GRK2: variants seen among roughly 807,000 people sequenced by gnomAD.
GRK2 encodes G protein-coupled receptor kinase 2.
A neutral mutation model predicts 97.8 loss-of-function variants in GRK2; 23 were observed. That is an observed-to-expected ratio of 0.24 (90% CI 0.17 to 0.33). GRK2 has a LOEUF of 0.33. Ranked by LOEUF, GRK2 falls within the 10% of genes least tolerant of loss-of-function variation. The probability of loss-of-function intolerance (pLI) is 1.00; values close to 1 mark genes in which losing one functional copy is unlikely to be tolerated. For synonymous variants in GRK2, 425 were observed against 381.7 expected, an observed-to-expected ratio of 1.11 and a Z score of -1.32; for missense variants, 633 against 956.9, an observed-to-expected ratio of 0.66 and a Z score of 4.47.
At chr11:67,271,454 G>A (rs1859905433) in intron 1 of GRK2, among the ~76,000 whole-genome samples, 1 of 152,240 alleles carries the variant, frequency 6.6e-6, no homozygotes, top group South Asian at 2.1e-4. Context: ...TTCGTGTTTG[G>A]GATGGGGGAT....
At chr11:67,283,528 A>G in intron 15 of GRK2, 179 bp from the exon 16 acceptor site, 1 of 663,314 alleles carries the variant, frequency 1.5e-6, no homozygotes. Flanking sequence ...AAAATTTACC[A>G]GTGTTAAAAC....
chr11:67,268,948 C>T (rs1187071171), intron 1 of GRK2, among the ~76,000 whole-genome samples: 3 of 152,184 alleles, frequency 2.0e-5, no homozygotes, highest in Non-Finnish European at 4.4e-5. Flanking sequence ...AGCAGGAGGC[C>T]GAGCCAGGCA....
intron 1 of GRK2, among the ~76,000 whole-genome samples, chr11:67,268,012 A>G (rs1276404471): frequency 6.6e-6 from 1 of 152,224 alleles, no homozygotes; most frequent in Non-Finnish European, 1.5e-5. Flanking sequence ...CTCCTTGTGC[A>G]TGCCTGAGAG....
chr11:67,268,635 G>T (rs1237182130), intron 1 of GRK2, among the ~76,000 whole-genome samples: 1 of 152,192 alleles, frequency 6.6e-6, no homozygotes, highest in Non-Finnish European at 1.5e-5. Flanking sequence ...CCCCCAGAAT[G>T]CATTGCTTCT....
Position 67,279,625 on chromosome 11 carries a change from G to C in GRK2, c.367-1G>C. ...TTCATGGCCACCTCTGTCTTCCCCA[G>C]CCCTTCTCGAAGAGTGCCACTGAGC... On this transcript the variant is annotated splice_acceptor_variant, in intron 4 of 20. Transcript: ENST00000308595. LOFTEE classifies it high-confidence loss of function. The C allele has an allele frequency of 6.2e-7, 1 of 1,613,426 alleles. No individual in the cohort carries two copies. The highest frequency in any genetic ancestry group is 8.5e-7 in the Non-Finnish European group (1 of 1,179,978).
intron 1 of GRK2, among the ~76,000 whole-genome samples, chr11:67,271,180 C>A (rs998828667): frequency 6.6e-6 from 1 of 152,198 alleles, no homozygotes; most frequent in Non-Finnish European, 1.5e-5. Flanking sequence ...TTCCTGGGCC[C>A]CTTCCCTACT....
rs750661568 is a variant in GRK2 at position 67,281,082 on chromosome 11, C to T, written c.556-11C>T. The T allele has an allele frequency of 1.2e-6, 2 of 1,608,386 alleles. No homozygotes were observed. Among genetic ancestry groups the T allele is most frequent in the Admixed American group, 3.4e-5 (2 of 59,538 alleles). ...CAGCCTGTGGTGACCGCAGCTGTCG[C>T]TGCCCCTCAGCTGACCATGAATGAC... On this transcript the variant is annotated splice_polypyrimidine_tract_variant and intron_variant, in intron 7 of 20. Coordinates refer to ENST00000308595, the MANE Select transcript of GRK2 (RefSeq NM_001619.5). The surrounding 1 kb of genome is among the most constrained non-coding windows in gnomAD (Gnocchi z 5.7).
intron 6 of GRK2, chr11:67,280,481 G>A (rs761871165): frequency 8.6e-6 from 5 of 578,500 alleles, no homozygotes; most frequent in African/African-American, 3.8e-5. Flanking sequence ...CTTTCTGTGC[G>A]GATCTGATTC....
At chr11:67,270,778 C>T (rs546496736) in intron 1 of GRK2, among the ~76,000 whole-genome samples, 2 of 152,306 alleles carry the variant, frequency 1.3e-5, no homozygotes, top group South Asian at 4.1e-4. Flanking sequence ...CCAGAGCATG[C>T]GTTTCACTTA....
Position 67,286,354 on chromosome 11 carries a change from G to A in GRK2, c.*904G>A, listed in dbSNP as rs1324216161. ...CAGCCCCACAGCCCACGTCCTGTCA[G>A]TGCCGCCGCCTCGCCCACCGCATGC... On this transcript the variant is annotated 3_prime_UTR_variant, in exon 21 of 21. Transcript: ENST00000308595. The A allele has an allele frequency of 1.4e-6, 1 of 696,732 alleles. No individual in the cohort carries two copies. Among genetic ancestry groups the A allele is most frequent in the Admixed American group, 2.0e-5 (1 of 48,854 alleles). 43.2% of individuals were successfully genotyped at this position (696,732 alleles called of 1,614,324 possible). A position where few individuals can be genotyped will look rare whatever the true frequency, so the allele number is the denominator to read the frequency against.
At chr11:67,277,853 C>T (rs967700090) in intron 2 of GRK2, among the ~76,000 whole-genome samples, 21 of 152,230 alleles carry the variant, frequency 1.4e-4, no homozygotes, top group Non-Finnish European at 2.5e-4. Context: ...GGACCTGGCC[C>T]GGAGGGCAGG....
Position 67,286,202 on chromosome 11 carries a change from T to G in GRK2, c.*752T>G. The G allele has an allele frequency of 1.8e-6, 1 of 553,080 alleles. No individual in the cohort carries two copies. Among genetic ancestry groups the G allele is most frequent in the East Asian group, 3.3e-5 (1 of 30,378 alleles). The allele number at this position is 553,080 out of a possible 1,614,324, so 34.3% of individuals were successfully genotyped here. On this transcript the variant is annotated 3_prime_UTR_variant, in exon 21 of 21. Coordinates refer to ENST00000308595, the MANE Select transcript of GRK2 (RefSeq NM_001619.5). ...GCCTGAGGTCTCGCTGATGCTGGGC[T>G]GGGTGCGACCCCATCTGCCCAGGAC...
At chr11:67,274,097 C>G (rs1457631091) in intron 1 of GRK2, among the ~76,000 whole-genome samples, 1 of 150,780 alleles carries the variant, frequency 6.6e-6, no homozygotes, top group African/African-American at 2.4e-5. Context: ...ACTGCAACCT[C>G]TGTCTCCAGG....
Position 67,280,776 on chromosome 11 carries a change from A to G in GRK2, c.548A>G (p.Asn183Ser), listed in dbSNP as rs753269682. ...RFCQWKNVEL[N>S]IHLTMNDFSV... ...TGCCAGTGGAAGAATGTGGAGCTCA[A>G]CATCCACGTGAGTGGGCTTGGGTGG... The change falls in exon 7 of 21, where the codon AAC (asparagine) becomes AGC (serine). Residue 183 changes from asparagine (N) to serine (S), a missense_variant. Asn to Ser is a conservative substitution (Grantham distance 46). Around this residue, in one of 4 missense-constraint regions of GRK2, gnomAD observed 192 missense variants for 362.3 expected, o/e 0.53. Transcript: ENST00000308595. 6.2e-7 allele frequency: 1 copy of G among 1,613,976 alleles called. No individual in the cohort carries two copies. The highest frequency in any genetic ancestry group is 1.7e-5 in the Admixed American group (1 of 60,008).
intron 3 of GRK2, 60 bp downstream of exon 3, chr11:67,279,333 C>A (rs1158405760): frequency 1.9e-6 from 3 of 1,609,574 alleles, no homozygotes; most frequent in Non-Finnish European, 2.5e-6. Context: ...GTTGGGGCGG[C>A]TTTGTGGAAC....
rs766031362 is a variant in GRK2 at position 67,269,094 on chromosome 11, A to C, written c.113+2282A>C. ...GGGAAGGGCTACTGGCCACCCCTACATGGGGGTCCAGGCCTGGGGCATTAG... is the reference window on the plus strand; with the variant it reads ...GGGAAGGGCTACTGGCCACCCCTACCTGGGGGTCCAGGCCTGGGGCATTAG... On this transcript the variant is annotated intron_variant, in intron 1 of 20. Transcript: ENST00000308595. This position sits in a 1 kb window ranked among gnomAD's most constrained non-coding sequence, Gnocchi z 4.1. Among the ~76,000 whole-genome samples, 1 of 152,174 alleles carries C rather than the reference A, an allele frequency of 6.6e-6. No homozygotes were observed. The highest frequency in any genetic ancestry group is 2.4e-5 in the African/African-American group (1 of 41,448).
Position 67,285,301 on chromosome 11 carries a change from G to A in GRK2, c.1921G>A (p.Val641Met), listed in dbSNP as rs781649971. ...ILQCDSDPEL[V>M]QWKKELRDAY... ...GCATGTGCAGAGCGACCCTGAGCTG[G>A]TGCAGTGGAAGAAGGAGCTGCGCGA... is the stretch of plus-strand genomic sequence containing the variant. The change falls in exon 21 of 21, where the codon GTG becomes ATG. Residue 641 changes from valine (V) to methionine (M), a missense_variant. This residue lies in a region of GRK2 where 180 missense variants were observed against 311.3 expected (regional missense o/e 0.58). Transcript: ENST00000308595. The A allele has an allele frequency of 6.2e-6, 10 of 1,609,242 alleles. No individual in the cohort carries two copies. Among genetic ancestry groups the A allele is most frequent in the Non-Finnish European group, 8.5e-6 (10 of 1,178,304 alleles).
At position 67,266,622 on chromosome 11, in the gene GRK2, CG is replaced by C. The variant is rs1353380668; in HGVS notation, c.-75del. 24 of 589,114 alleles carry C rather than the reference CG, an allele frequency of 4.1e-5. No individual in the cohort carries two copies. The highest frequency in any genetic ancestry group is 8.5e-4 in the Middle Eastern group (1 of 1,172). 36.5% of individuals were successfully genotyped at this position (589,114 alleles called of 1,614,324 possible). A position where few individuals can be genotyped will look rare whatever the true frequency, so the allele number is the denominator to read the frequency against. ...CGCCCGAGGCCGAGCGAGCCGCGGC[CG>C]GGCCGGGCCGAGCGCCGAGCGAGCA... On this transcript the variant is annotated 5_prime_UTR_variant, in exon 1 of 21. Transcript: ENST00000308595.
At position 67,281,187 on chromosome 11, in the gene GRK2, G is replaced by A; in HGVS notation, c.647+3G>A. On this transcript the variant is annotated splice_donor_region_variant and intron_variant, in intron 8 of 20. Coordinates refer to ENST00000308595, the MANE Select transcript of GRK2 (RefSeq NM_001619.5). This position sits in a 1 kb window ranked among gnomAD's most constrained non-coding sequence, Gnocchi z 5.7. ...CGGAAGGCTGACACAGGCAAGATGTGAGCACCCTGCTCGGCGCGGTGGGAT... is the reference window on the plus strand; with the variant it reads ...CGGAAGGCTGACACAGGCAAGATGTAAGCACCCTGCTCGGCGCGGTGGGAT... 1 of 1,611,582 alleles carries A rather than the reference G, an allele frequency of 6.2e-7. No individual in the cohort carries two copies. Among genetic ancestry groups the A allele is most frequent in the African/African-American group, 1.3e-5 (1 of 74,930 alleles).
Sources: gnomAD v4.1 joint callset for allele counts (sites outside exome capture counted in the v4.1 genomes callset) on GRCh38, gnomAD v4.1.1 for gene constraint, gnomAD v4.1.1 regional missense constraint, Gnocchi (gnomAD v3.1) non-coding constraint, MANE v1.5 for transcripts, NCBI Gene and HGNC (gene_info 2026-07-23, HGNC 2026-07-21) for gene names.